The following RSRC1 variants were observed in gnomAD, a reference collection of about 807,000 sequenced individuals.
RSRC1 encodes arginine and serine rich coiled-coil 1.
In RSRC1, 39 loss-of-function variants were observed where a neutral mutation model predicts 49.1. The ratio of observed to expected loss-of-function variants is 0.79; its 90% confidence interval spans 0.61 to 1.04. RSRC1 has a LOEUF of 1.04. Among genes scored for constraint, RSRC1 ranks in the 50% least tolerant of loss-of-function variants. The probability of loss-of-function intolerance (pLI) is 0.00; values close to 1 mark genes in which losing one functional copy is unlikely to be tolerated. For synonymous variants in RSRC1, 143 were observed against 130.8 expected (o/e 1.09, Z -0.63); for missense variants, 388 against 402.4 (o/e 0.96, Z 0.31).
chr3:158,264,438 A>G (rs533244712), intron 4 of RSRC1, among the ~76,000 whole-genome samples: 2 of 152,290 alleles, frequency 1.3e-5, no homozygotes, highest in East Asian at 1.9e-4. Context: ...ATGGCTCAGA[A>G]TAGCTCTATT....
intron 8 of RSRC1, among the ~76,000 whole-genome samples, chr3:158,538,773 A>G (rs1712869929): frequency 6.6e-6 from 1 of 151,974 alleles, no homozygotes; most frequent in Non-Finnish European, 1.5e-5. Context: ...GGTGGCATTT[A>G]TCTTGGTGAA....
chr3:158,283,881 C>CT (rs11339826), intron 4 of RSRC1, among the ~76,000 whole-genome samples: 32,011 of 147,770 alleles, frequency 0.22, 3,911 homozygotes, highest in Non-Finnish European at 0.28. Context: ...CATTTGTTTT[C>CT]TTTTTTTTTT....
chr3:158,120,823 T>G (rs1715206957), intron 1 of RSRC1, among the ~76,000 whole-genome samples: 1 of 150,756 alleles, frequency 6.6e-6, no homozygotes, highest in Non-Finnish European at 1.5e-5. Flanking sequence ...GAGCTTTTAT[T>G]TATCCTAAGT....
chr3:158,164,393 A>C (rs1006248528), intron 3 of RSRC1, among the ~76,000 whole-genome samples: 2 of 152,006 alleles, frequency 1.3e-5, no homozygotes, highest in African/African-American at 4.8e-5. Flanking sequence ...ATAAAATTAA[A>C]TTTGATTTTT....
chr3:158,195,142 C>T (rs936104896), intron 3 of RSRC1, among the ~76,000 whole-genome samples: 3 of 152,192 alleles, frequency 2.0e-5, no homozygotes, highest in Non-Finnish European at 4.4e-5. Flanking sequence ...TGTTTCTCCA[C>T]ATCCTCTCCA....
chr3:158,189,981 T>C (rs73166304), intron 3 of RSRC1, among the ~76,000 whole-genome samples: 10 of 151,978 alleles, frequency 6.6e-5, no homozygotes, highest in Non-Finnish European at 1.2e-4. Flanking sequence ...ATTTTTTTTT[T>C]CCCGTAGCTT....
chr3:158,154,665 A>G (rs1043400906), intron 3 of RSRC1, among the ~76,000 whole-genome samples: 6 of 151,878 alleles, frequency 4.0e-5, no homozygotes, highest in African/African-American at 4.8e-5. Context: ...GGTTTTCACC[A>G]TGTTGGCCAG....
At chr3:158,267,077 G>A (rs551845243) in intron 4 of RSRC1, among the ~76,000 whole-genome samples, 2 of 152,114 alleles carry the variant, frequency 1.3e-5, no homozygotes, top group Non-Finnish European at 2.9e-5. Context: ...TTCACCTTCA[G>A]TTTTGAATGA....
At chr3:158,220,001 T>G (rs73166323) in intron 4 of RSRC1, among the ~76,000 whole-genome samples, 2,524 of 151,728 alleles carry the variant, frequency 0.017, 30 homozygotes, top group Middle Eastern at 0.071. Flanking sequence ...CACTAAAGTC[T>G]TGTAGACCTG....
chr3:158,194,619 G>A (rs1393151643), intron 3 of RSRC1, among the ~76,000 whole-genome samples: 2 of 150,642 alleles, frequency 1.3e-5, no homozygotes, highest in African/African-American at 2.4e-5. Flanking sequence ...TTAACATTTG[G>A]TATATATCCT....
chr3:158,229,360 A>G (rs563897901), intron 4 of RSRC1, among the ~76,000 whole-genome samples: 7 of 110,406 alleles, frequency 6.3e-5, no homozygotes, highest in African/African-American at 2.1e-4. Context: ...ATATACACAT[A>G]TACACACGTA....
At chr3:158,439,614 T>G (rs1383364490) in intron 6 of RSRC1, among the ~76,000 whole-genome samples, 3 of 151,808 alleles carry the variant, frequency 2.0e-5, no homozygotes, top group Non-Finnish European at 1.5e-5. Context: ...AGTTGAACAA[T>G]GAGAACACAT....
intron 3 of RSRC1, among the ~76,000 whole-genome samples, chr3:158,152,697 A>G (rs750239507): frequency 6.6e-6 from 1 of 152,212 alleles, no homozygotes; most frequent in African/African-American, 2.4e-5. Context: ...GTGAGTACAT[A>G]TTATCTTCTA....
intron 7 of RSRC1, among the ~76,000 whole-genome samples, chr3:158,473,129 A>G (rs1421692213): frequency 6.6e-6 from 1 of 152,212 alleles, no homozygotes; most frequent in Non-Finnish European, 1.5e-5. Flanking sequence ...ATCTAGAACT[A>G]GAAATACCAT....
intron 6 of RSRC1, among the ~76,000 whole-genome samples, chr3:158,454,104 T>C (rs1737193116): frequency 6.6e-6 from 1 of 152,118 alleles, no homozygotes; most frequent in Admixed American, 6.5e-5. Flanking sequence ...CTTTGCAACC[T>C]GAGAAACTGT....
At chr3:158,324,647 G>A (rs979754980) in intron 5 of RSRC1, among the ~76,000 whole-genome samples, 1 of 152,134 alleles carries the variant, frequency 6.6e-6, no homozygotes, top group Non-Finnish European at 1.5e-5. Context: ...GGACATTTGG[G>A]TTGGTTCCAA....
chr3:158,135,471 G>A (rs1020118295), intron 3 of RSRC1, among the ~76,000 whole-genome samples: 16 of 150,522 alleles, frequency 1.1e-4, no homozygotes, highest in Admixed American at 3.3e-4. Context: ...GTAGAGACAG[G>A]GTTTTACCAT....
chr3:158,333,471 A>T (rs1729680147), intron 5 of RSRC1, among the ~76,000 whole-genome samples: 1 of 152,362 alleles, frequency 6.6e-6, no homozygotes, highest in African/African-American at 2.4e-5. Context: ...ACACATTTAT[A>T]GTAGCATGAA....
At chr3:158,536,443 G>A (rs1029029365) in intron 7 of RSRC1, among the ~76,000 whole-genome samples, 9 of 151,380 alleles carry the variant, frequency 5.9e-5, no homozygotes, top group Non-Finnish European at 1.0e-4. Context: ...TGTGGACCTT[G>A]TTTGGTTCCT....
Sources: gnomAD v4.1 joint callset for allele counts (sites outside exome capture counted in the v4.1 genomes callset) on GRCh38, gnomAD v4.1.1 for gene constraint, MANE v1.5 for transcripts, NCBI Gene and HGNC (gene_info 2026-07-23, HGNC 2026-07-21) for gene names.